Variants in CDK1 observed in about 807,000 individuals in gnomAD.
The protein encoded by CDK1 is cyclin-dependent kinase 1.
Under a neutral mutation model 34.6 loss-of-function variants are expected in CDK1, and 5 were observed. The ratio of observed to expected loss-of-function variants is 0.14; its 90% CI spans 0.08 to 0.30. The LOEUF is 0.30. Ranked by LOEUF, CDK1 falls within the 10% of genes least tolerant of loss-of-function variation. The pLI, the probability that CDK1 is intolerant of heterozygous loss-of-function variation, is 1.00. For synonymous variants in CDK1, 108 were observed against 114.7 expected (o/e 0.94, Z 0.37); for missense variants, 157 against 345.7 (o/e 0.45, Z 4.33).
chr10:60,792,259 C>T lies in CDK1; in HGVS notation c.765C>T (p.Asn255=). ...GAAGCCTAGCATCCCATGTCAAAAACTTGGATGAAAATGGCTTGGATTTGC... is the reference window on the plus strand; with the variant it reads ...GAAGCCTAGCATCCCATGTCAAAAATTTGGATGAAAATGGCTTGGATTTGC... ...KPGSLASHVK[N]LDENGLDLLS... Residue 255 remains asparagine, a synonymous_variant, in exon 7 of 8, where the codon AAC becomes AAT. Coordinates refer to ENST00000395284, the MANE Select transcript of CDK1 (RefSeq NM_001786.5). 6.2e-7 allele frequency: 1 copy of T among 1,611,278 alleles called. No homozygotes were observed. The highest frequency in any genetic ancestry group is 2.2e-5 in the East Asian group (1 of 44,812).
At chr10:60,785,844 A>G (rs1424053468) in intron 4 of CDK1, 57 bp downstream of exon 4, 2 of 1,415,598 alleles carry the variant, frequency 1.4e-6, no homozygotes, top group South Asian at 3.5e-5. Flanking sequence ...AAGGGACTAT[A>G]TATAGAAGTC....
Position 60,792,151 on chromosome 10 carries a change from T to C in CDK1, c.657T>C (p.Ala219=). ...TTTTTAATTTCCTGTTTTTTAGAGC[T>C]TTGGGCACTCCCAATAATGAAGTGT... ...EIDQLFRIFR[A]LGTPNNEVWP... is the part of the protein sequence containing the mutation. Residue 219 remains alanine (A), a synonymous_variant, in exon 7 of 8, where the codon GCT becomes GCC. Transcript: ENST00000395284. 1 of 1,608,334 alleles carries C rather than the reference T, an allele frequency of 6.2e-7. No homozygotes were observed. Among genetic ancestry groups the C allele is most frequent in the Non-Finnish European group, 8.5e-7 (1 of 1,178,052 alleles).
In CDK1 at chr10:60,794,356, A is replaced by G. The variant is rs2080383427; in HGVS notation, c.*381A>G. Reference sequence around the variant, plus strand: ...TTTCGTAATGCTTTGAAGTATTTTTATGCTCTGAATGTTTAAATGTTCTCA... The same window carrying G: ...TTTCGTAATGCTTTGAAGTATTTTTGTGCTCTGAATGTTTAAATGTTCTCA... On this transcript the variant is annotated 3_prime_UTR_variant, in exon 8 of 8. Coordinates refer to ENST00000395284, the MANE Select transcript of CDK1 (RefSeq NM_001786.5). 1 of 154,976 alleles carries G rather than the reference A, an allele frequency of 6.5e-6. No individual in the cohort carries two copies. The highest frequency in any genetic ancestry group is 1.4e-5 in the Non-Finnish European group (1 of 70,016). 9.6% of individuals were successfully genotyped at this position (154,976 alleles called of 1,614,324 possible). A position where few individuals can be genotyped will look rare whatever the true frequency, so the allele number is the denominator to read the frequency against.
At position 60,782,754 on chromosome 10, in the gene CDK1, A is replaced by G. The variant is rs3213036; in HGVS notation, c.38-1951A>G. On this transcript the variant is annotated intron_variant, in intron 2 of 7. Coordinates refer to ENST00000395284, the MANE Select transcript of CDK1 (RefSeq NM_001786.5). Reference sequence around the variant, plus strand: ...ATTTATACTTAGTTAAATACCCTAGAGTATTTCTGTCTTTAGAATTCTTAG... The same window carrying G: ...ATTTATACTTAGTTAAATACCCTAGGGTATTTCTGTCTTTAGAATTCTTAG... 5.8e-3 allele frequency among the ~76,000 whole-genome samples: 876 copies of G among 152,210 alleles called. 10 individuals are homozygous for G. The highest frequency in any genetic ancestry group is 0.02 in the African/African-American group (845 of 41,518).
chr10:60,786,511 C>T (rs3213052), intron 4 of CDK1: 77 of 276,662 alleles, frequency 2.8e-4, no homozygotes, highest in South Asian at 9.8e-4. Context: ...TATTGTTGCT[C>T]TTATTAACAG....
Position 60,785,549 on chromosome 10 carries a change from T to G in CDK1, c.195-115T>G, listed in dbSNP as rs530814655. On this transcript the variant is annotated intron_variant, in intron 3 of 7. Transcript: ENST00000395284. ...GAGTCTCTTCCATTAGGGAAGCTACTACGTCTTCCCCAGTTTTTATTATAG... is the reference window on the plus strand; with the variant it reads ...GAGTCTCTTCCATTAGGGAAGCTACGACGTCTTCCCCAGTTTTTATTATAG... 8.0e-4 allele frequency: 517 copies of G among 648,812 alleles called. 1 individual carries two copies. Among genetic ancestry groups the G allele is most frequent in the Non-Finnish European group, 1.2e-3 (465 of 374,444 alleles). 40.2% of individuals were successfully genotyped at this position (648,812 alleles called of 1,614,324 possible).
At chr10:60,781,061 T>A (rs376969369) in intron 2 of CDK1, among the ~76,000 whole-genome samples, 16,324 of 150,970 alleles carry the variant, frequency 0.11, 1,062 homozygotes, top group African/African-American at 0.17. Context: ...TATATATATT[T>A]TTTTTTTAAA....
chr10:60,794,255 A>G lies in CDK1; in HGVS notation c.*280A>G, dbSNP rs1372465039. 2 of 214,620 alleles carry G rather than the reference A, an allele frequency of 9.3e-6. No homozygotes were observed. Among genetic ancestry groups the G allele is most frequent in the East Asian group, 1.0e-4 (1 of 9,944 alleles). 13.3% of individuals were successfully genotyped at this position (214,620 alleles called of 1,614,324 possible). A position where few individuals can be genotyped will look rare whatever the true frequency, so the allele number is the denominator to read the frequency against. ...CAGGAAAAAATTTGAGTTGGCTTAA[A>G]TCATCTCAGTCCTTATGGCAGTTTT... On this transcript the variant is annotated 3_prime_UTR_variant, in exon 8 of 8. Transcript: ENST00000395284.
intron 2 of CDK1, among the ~76,000 whole-genome samples, chr10:60,781,058 A>ATT (rs11351423): frequency 6.7e-6 from 1 of 149,932 alleles, no homozygotes; most frequent in African/African-American, 2.5e-5. Flanking sequence ...ATATATATAT[A>ATT]TTTTTTTTTT....
Position 60,794,018 on chromosome 10 carries a change from T to G in CDK1, c.*43T>G, listed in dbSNP as rs1271677070. 1.1e-6 allele frequency: 1 copy of G among 922,432 alleles called. No homozygotes were observed. Among genetic ancestry groups the G allele is most frequent in the Non-Finnish European group, 1.7e-6 (1 of 600,952 alleles). 57.1% of individuals were successfully genotyped at this position (922,432 alleles called of 1,614,324 possible). A position where few individuals can be genotyped will look rare whatever the true frequency, so the allele number is the denominator to read the frequency against. On this transcript the variant is annotated 3_prime_UTR_variant, in exon 8 of 8. Coordinates refer to ENST00000395284, the MANE Select transcript of CDK1 (RefSeq NM_001786.5). ...TCCATATGTTATATCAACAGATAGT[T>G]GTGTTTTTATTGTTAACTCTTGTCT...
At position 60,784,872 on chromosome 10, in the gene CDK1, A is replaced by C; in HGVS notation, c.194+11A>C. On this transcript the variant is annotated intron_variant, in intron 3 of 7. Coordinates refer to ENST00000395284, the MANE Select transcript of CDK1 (RefSeq NM_001786.5). ...TCCAAATATAGTCAGGTATGTTGTAATATCTGAATGTAAGCCATTTTCTGC... is the reference window on the plus strand; with the variant it reads ...TCCAAATATAGTCAGGTATGTTGTACTATCTGAATGTAAGCCATTTTCTGC... 6.2e-7 allele frequency: 1 copy of C among 1,607,076 alleles called. No homozygotes were observed. Among genetic ancestry groups the C allele is most frequent in the Non-Finnish European group, 8.5e-7 (1 of 1,175,280 alleles).
chr10:60,787,317 A>G (rs1328731138), intron 4 of CDK1, among the ~76,000 whole-genome samples: 1 of 152,084 alleles, frequency 6.6e-6, no homozygotes, highest in African/African-American at 2.4e-5. Flanking sequence ...ACGCTTAGCT[A>G]CGTTTGGTAG....
At chr10:60,788,973 G>A (rs1454589569) in intron 5 of CDK1, among the ~76,000 whole-genome samples, 5 of 152,062 alleles carry the variant, frequency 3.3e-5, no homozygotes, top group African/African-American at 1.2e-4. Flanking sequence ...TTAAACAAAT[G>A]CTATTGACCT....
At chr10:60,787,117 G>A (rs2080323074) in intron 4 of CDK1, 8 of 967,002 alleles carry the variant, frequency 8.3e-6, no homozygotes, top group Non-Finnish European at 8.6e-6. Context: ...AGGCAACAAT[G>A]GTTTTACTTA....
At chr10:60,787,079 G>A in intron 4 of CDK1, 5 of 984,520 alleles carry the variant, frequency 5.1e-6, no homozygotes, top group Non-Finnish European at 6.0e-6. Flanking sequence ...CAAATGGCTA[G>A]CCAGTTGTTC....
At chr10:60,787,146 A>G (rs1564670131) in intron 4 of CDK1, 1 of 776,278 alleles carries the variant, frequency 1.3e-6, no homozygotes, top group Non-Finnish European at 1.6e-6. Context: ...CAGTTTTACA[A>G]TGAAGCAGAA....
intron 2 of CDK1, among the ~76,000 whole-genome samples, chr10:60,783,900 CT>C (rs2080293600): frequency 1.3e-5 from 2 of 152,112 alleles, no homozygotes; most frequent in Admixed American, 6.5e-5. Context: ...AACACCTGGT[CT>C]TTTTTCTCCA....
At chr10:60,791,670 A>G (rs1193595121) in intron 5 of CDK1, among the ~76,000 whole-genome samples, 4 of 152,142 alleles carry the variant, frequency 2.6e-5, no homozygotes, top group Non-Finnish European at 5.9e-5. Flanking sequence ...GAAAAGCAAA[A>G]AAATATTTAT....
In CDK1 at chr10:60,780,603, C is replaced by T. The variant is rs563602938; in HGVS notation, c.37+401C>T. ...TTTTAGGATGATAAATATTTTTATC[C>T]AGACTTTATAGACTGGTTACAATAA... On this transcript the variant is annotated intron_variant, in intron 2 of 7. Transcript: ENST00000395284. Among the ~76,000 whole-genome samples the T allele has an allele frequency of 2.0e-5, 3 of 151,928 alleles. No individual in the cohort carries two copies. The South Asian group carries it at 6.2e-4, about 32-fold the overall frequency.
Sources: allele counts gnomAD v4.1 joint callset (sites outside exome capture counted in the v4.1 genomes callset), GRCh38; gene constraint gnomAD v4.1.1; transcripts MANE v1.5; gene names NCBI Gene and HGNC (gene_info 2026-07-23, HGNC 2026-07-21).